Variants in PSMB3 observed in about 807,000 individuals in gnomAD.
The protein encoded by PSMB3 is proteasome 20S subunit beta 3.
PSMB3 carries 5 observed loss-of-function variants against 23.3 expected under a neutral mutation model. That is an observed-to-expected ratio of 0.21 (90% confidence interval 0.11 to 0.45). PSMB3 has a LOEUF of 0.45. PSMB3 is among the 20% of genes least tolerant of loss of function. PSMB3 has a pLI of 0.99. For synonymous variants in PSMB3, 85 were observed against 99.8 expected, an observed-to-expected ratio of 0.85 and a Z score of 0.88; for missense variants, 192 against 277.9, an observed-to-expected ratio of 0.69 and a Z score of 2.20.
intron 3 of PSMB3, among the ~76,000 whole-genome samples, chr17:38,757,592 G>A (rs888689981): frequency 1.3e-5 from 2 of 149,862 alleles, no homozygotes; most frequent in African/African-American, 2.5e-5. Context: ...CAAGGTGGGC[G>A]GATCACGAGG....
chr17:38,755,766 G>C, intron 2 of PSMB3, 117 bp from the exon 3 acceptor site: 1 of 792,694 alleles, frequency 1.3e-6, no homozygotes, highest in Non-Finnish European at 2.0e-6. Context: ...TAAGACTACA[G>C]TTTTCCCTGG....
At chr17:38,753,416 G>C (rs1258326313) in intron 2 of PSMB3, 82 bp downstream of exon 2, 1 of 1,410,974 alleles carries the variant, frequency 7.1e-7, no homozygotes, top group African/African-American at 1.4e-5. Flanking sequence ...CAAGGTGTCA[G>C]TCATCTACCA....
chr17:38,760,030 T>C (rs1233206436), intron 3 of PSMB3, among the ~76,000 whole-genome samples: 1 of 152,232 alleles, frequency 6.6e-6, no homozygotes, highest in Non-Finnish European at 1.5e-5. Context: ...GGTTTAGTTT[T>C]ATTTTTCAGT....
chr17:38,755,966 T>C lies in PSMB3; in HGVS notation c.272T>C (p.Val91Ala). 1 of 1,613,942 alleles carries C rather than the reference T, an allele frequency of 6.2e-7. No homozygotes were observed. The highest frequency in any genetic ancestry group is 8.5e-7 in the Non-Finnish European group (1 of 1,179,844). ...AAACCTTATACCCTCATGAGCATGG[T>C]GGCCAACCTCTTGTATGAGAAACGG... ...QIKPYTLMSM[V>A]ANLLYEKRFG... The change falls in exon 3 of 6, where the codon GTG becomes GCG. Residue 91 changes from valine to alanine, a missense_variant. Transcript: ENST00000619426.
intron 1 of PSMB3, 58 bp from the exon 2 acceptor site, chr17:38,753,092 C>T (rs532017191): frequency 2.2e-5 from 33 of 1,515,456 alleles, no homozygotes; most frequent in African/African-American, 2.8e-5. Flanking sequence ...GGAGCTGGGC[C>T]GGGGGCTGTG....
intron 2 of PSMB3, among the ~76,000 whole-genome samples, 185 bp from the exon 3 acceptor site, chr17:38,755,698 G>T (rs1598030710): frequency 7.2e-6 from 1 of 138,418 alleles, no homozygotes; most frequent in Non-Finnish European, 1.6e-5. Flanking sequence ...GTGTGTGTGT[G>T]TGTGTGTGTG....
Position 38,753,115 on chromosome 17 carries a change from C to T in PSMB3, c.4-35C>T, listed in dbSNP as rs750748922. The T allele has an allele frequency of 7.0e-6, 11 of 1,571,456 alleles. 1 individual carries two copies. The South Asian group carries it at 9.3e-5, about 13-fold the overall frequency. ...GCCGGGGGCTGTGGCAGCGTTTGACCCCCCGCGCTGACCCCTCCGCTCTGT... is the reference window on the plus strand; with the variant it reads ...GCCGGGGGCTGTGGCAGCGTTTGACTCCCCGCGCTGACCCCTCCGCTCTGT... On this transcript the variant is annotated intron_variant, in intron 1 of 5. Coordinates refer to ENST00000619426, the MANE Select transcript of PSMB3 (RefSeq NM_002795.4).
intron 5 of PSMB3, 68 bp downstream of exon 5, chr17:38,762,573 A>G: frequency 7.0e-7 from 1 of 1,435,516 alleles, no homozygotes; most frequent in East Asian, 2.3e-5. Flanking sequence ...CTCCACGAGC[A>G]TACACCCCAT....
intron 3 of PSMB3, among the ~76,000 whole-genome samples, chr17:38,757,090 C>T (rs901414699): frequency 7.7e-6 from 1 of 129,908 alleles, no homozygotes; most frequent in African/African-American, 2.9e-5. Flanking sequence ...CCACGCTGGT[C>T]GGGCTGGTCT....
chr17:38,752,965 G>A lies in PSMB3; in HGVS notation c.3+136G>A. On this transcript the variant is annotated intron_variant, in intron 1 of 5. Transcript: ENST00000619426. The surrounding 1 kb of genome is among the most constrained non-coding windows in gnomAD (Gnocchi z 5.5). Reference sequence around the variant, plus strand: ...CAGTTCGAGGGGAGCGGGCCCCGGTGAGGACCAAGAGGGTGAGTGCGGCTC... The same window carrying A: ...CAGTTCGAGGGGAGCGGGCCCCGGTAAGGACCAAGAGGGTGAGTGCGGCTC... The A allele has an allele frequency of 8.0e-6, 11 of 1,372,496 alleles. No homozygotes were observed. The South Asian group carries it at 1.4e-4, about 18-fold the overall frequency. The allele number at this position is 1,372,496 out of a possible 1,614,324, so 85.0% of individuals were successfully genotyped here. A position where few individuals can be genotyped will look rare whatever the true frequency, so the allele number is the denominator to read the frequency against.
chr17:38,752,777 G>T lies in PSMB3; in HGVS notation c.-50G>T. Reference sequence around the variant, plus strand: ...CGGTTGCGCAGTGAAGGCTAGACCCGGTTTACTGGAATTGCTCTGGCGATC... The same window carrying T: ...CGGTTGCGCAGTGAAGGCTAGACCCTGTTTACTGGAATTGCTCTGGCGATC... On this transcript the variant is annotated 5_prime_UTR_variant, in exon 1 of 6. Transcript: ENST00000619426. The surrounding 1 kb of genome is among the most constrained non-coding windows in gnomAD (Gnocchi z 5.5). 1 of 1,613,272 alleles carries T rather than the reference G, an allele frequency of 6.2e-7. No individual in the cohort carries two copies. Among genetic ancestry groups the T allele is most frequent in the African/African-American group, 1.3e-5 (1 of 75,024 alleles).
intron 4 of PSMB3, among the ~76,000 whole-genome samples, chr17:38,761,617 A>G (rs1908446123): frequency 6.6e-6 from 1 of 152,068 alleles, no homozygotes; most frequent in Admixed American, 6.5e-5. Flanking sequence ...TCTGGGGGCA[A>G]AGGTACAGGA....
chr17:38,755,682 A>ATGTGTGTGTG (rs67600372), intron 2 of PSMB3, among the ~76,000 whole-genome samples: 23 of 90,246 alleles, frequency 2.5e-4, no homozygotes, highest in African/African-American at 5.5e-4. Flanking sequence ...ATATATATAT[A>ATGTGTGTGTG]TGTGTGTGTG....
At chr17:38,753,405 C>T in intron 2 of PSMB3, 71 bp downstream of exon 2, 1 of 1,504,152 alleles carries the variant, frequency 6.6e-7, no homozygotes, top group Non-Finnish European at 9.0e-7. Flanking sequence ...TCTTGACCGG[C>T]CAAGGTGTCA....
At chr17:38,755,690 G>A (rs1004709969) in intron 2 of PSMB3, among the ~76,000 whole-genome samples, 193 bp from the exon 3 acceptor site, 2 of 133,222 alleles carry the variant, frequency 1.5e-5, no homozygotes, top group African/African-American at 5.9e-5. Context: ...ATATGTGTGT[G>A]TGTGTGTGTG....
At chr17:38,755,363 T>C (rs1908107970) in intron 2 of PSMB3, 1 of 151,236 alleles carries the variant, frequency 6.6e-6, no homozygotes, top group Admixed American at 6.6e-5. Context: ...TATGTGCTGC[T>C]GGCCAGGCGT....
chr17:38,760,493 T>G lies in PSMB3; in HGVS notation c.359T>G (p.Phe120Cys). Residue 120 changes from phenylalanine to cysteine, a missense_variant, in exon 4 of 6, where the codon TTC (phenylalanine) becomes TGC (cysteine). Phe to Cys is a radical substitution (Grantham distance 205). Transcript: ENST00000619426. ...AGLDPKTFKPFICSLDLIGCP... is the reference protein window; with the variant it reads ...AGLDPKTFKPCICSLDLIGCP... ...TTGGACCCGAAGACCTTTAAGCCCT[T>G]CATTTGCTCTCTAGACCTCATCGGC... 6.2e-7 allele frequency: 1 copy of G among 1,614,250 alleles called. No homozygotes were observed. The highest frequency in any genetic ancestry group is 1.1e-5 in the South Asian group (1 of 91,088).
chr17:38,759,324 G>C (rs910862256), intron 3 of PSMB3, among the ~76,000 whole-genome samples: 10 of 152,282 alleles, frequency 6.6e-5, no homozygotes, highest in African/African-American at 2.2e-4. Context: ...TGGCTGACTG[G>C]GAGCTGCGGC....
chr17:38,755,584 G>A (rs1186886885), intron 2 of PSMB3, among the ~76,000 whole-genome samples: 1 of 150,856 alleles, frequency 6.6e-6, no homozygotes, highest in Non-Finnish European at 1.5e-5. Context: ...GGCGGAGCTT[G>A]CAGTGAGCCG....
Sources: gnomAD v4.1 joint callset for allele counts (sites outside exome capture counted in the v4.1 genomes callset) on GRCh38, gnomAD v4.1.1 for gene constraint, Gnocchi (gnomAD v3.1) non-coding constraint, MANE v1.5 for transcripts, NCBI Gene and HGNC (gene_info 2026-07-23, HGNC 2026-07-21) for gene names.